The following ESRRG variants were observed in gnomAD, a reference collection of about 807,000 sequenced individuals.
ESRRG encodes the protein estrogen-related receptor gamma.
ESRRG carries 13 observed loss-of-function variants against 44.0 expected under a neutral mutation model. The observed-to-expected ratio is 0.30, with a 90% CI of 0.19 to 0.47. The LOEUF is 0.47. ESRRG is among the 20% of genes least tolerant of loss of function. The pLI, the probability that ESRRG is intolerant of heterozygous loss-of-function variation, is 1.00. For missense variants in ESRRG, 395 were observed against 580.6 expected (o/e 0.68, Z 3.29); for synonymous variants, 215 against 214.6 (o/e 1.00, Z -0.02).
intron 1 of ESRRG, among the ~76,000 whole-genome samples, chr1:217,127,019 A>C (rs1180951154): frequency 1.3e-5 from 2 of 152,190 alleles, no homozygotes; most frequent in African/African-American, 2.4e-5. Flanking sequence ...ATAACTGAAA[A>C]ATCTCTGCCT....
chr1:216,677,009 A>T, intron 2 of ESRRG, 67 bp downstream of exon 2: 1 of 1,189,972 alleles, frequency 8.4e-7, no homozygotes, highest in Non-Finnish European at 1.2e-6. Context: ...GAATAAGAAT[A>T]AGGAAAAACA....
intron 1 of ESRRG, among the ~76,000 whole-genome samples, chr1:216,686,439 CAAAAAAA>C (rs58718125): frequency 7.5e-5 from 8 of 107,174 alleles, no homozygotes; most frequent in Non-Finnish European, 1.1e-4. Flanking sequence ...TATTGTTAAC[CAAAAAAA>C]AAAAAAAAAA....
At chr1:216,857,669 C>A (rs2095973069) in intron 2 of ESRRG, among the ~76,000 whole-genome samples, 1 of 149,322 alleles carries the variant, frequency 6.7e-6, no homozygotes, top group South Asian at 2.1e-4. Context: ...AGTCACAGGG[C>A]ATTCTGAAAA....
At chr1:216,979,180 C>T (rs1308796285) in intron 1 of ESRRG, among the ~76,000 whole-genome samples, 1 of 152,150 alleles carries the variant, frequency 6.6e-6, no homozygotes. Context: ...ATATCACTGG[C>T]CCTATCTTCT....
intron 1 of ESRRG, among the ~76,000 whole-genome samples, chr1:217,098,689 C>T (rs2092460722): frequency 1.3e-5 from 2 of 152,162 alleles, no homozygotes; most frequent in African/African-American, 4.8e-5. Flanking sequence ...TTGAGTTAAA[C>T]AGGTTCCTTT....
At chr1:217,007,232 G>A (rs529299083) in intron 1 of ESRRG, among the ~76,000 whole-genome samples, 1 of 152,142 alleles carries the variant, frequency 6.6e-6, no homozygotes, top group Non-Finnish European at 1.5e-5. Context: ...AGATGTGAAT[G>A]TGACTTCTCA....
At chr1:216,977,029 T>C (rs549866829) in intron 1 of ESRRG, among the ~76,000 whole-genome samples, 67 of 152,260 alleles carry the variant, frequency 4.4e-4, no homozygotes, top group African/African-American at 1.1e-3. Context: ...GTCATGCCTA[T>C]AGTCATAAAA....
At chr1:216,725,316 G>A (rs1285655851), upstream of ESRRG, among the ~76,000 whole-genome samples, 2 of 152,004 alleles carry the variant, frequency 1.3e-5, no homozygotes, top group Non-Finnish European at 2.9e-5. Context: ...ATTACCAGTA[G>A]CATTATGCTG....
At chr1:216,618,310 C>T (rs1331088408) in intron 3 of ESRRG, among the ~76,000 whole-genome samples, 1 of 152,210 alleles carries the variant, frequency 6.6e-6, no homozygotes, top group Admixed American at 6.5e-5. Context: ...GATTCATTCA[C>T]ACTGCCTTTT....
intron 2 of ESRRG, among the ~76,000 whole-genome samples, chr1:216,670,512 C>G (rs553970680): frequency 1.3e-5 from 2 of 152,292 alleles, no homozygotes; most frequent in African/African-American, 4.8e-5. Context: ...AGATCCCACT[C>G]AAAGTGTGAA....
intron 1 of ESRRG, among the ~76,000 whole-genome samples, chr1:217,116,738 G>T (rs1353156794): frequency 6.6e-6 from 1 of 152,100 alleles, no homozygotes; most frequent in African/African-American, 2.4e-5. Context: ...CCCACATTTG[G>T]CTGCTTTCCC....
At chr1:217,131,254 T>C (rs931551670) in intron 1 of ESRRG, among the ~76,000 whole-genome samples, 4 of 152,176 alleles carry the variant, frequency 2.6e-5, no homozygotes, top group Non-Finnish European at 5.9e-5. Context: ...AAAAGGCATG[T>C]TTATCTTTTA....
chr1:216,736,308 C>G (rs1447041756), intron 2 of ESRRG, among the ~76,000 whole-genome samples: 7 of 150,990 alleles, frequency 4.6e-5, no homozygotes, highest in Non-Finnish European at 1.0e-4. Context: ...TCAGCCTCTC[C>G]GAGTAGCTGG....
At chr1:216,915,820 T>C (rs1218130646) in intron 2 of ESRRG, among the ~76,000 whole-genome samples, 1 of 152,190 alleles carries the variant, frequency 6.6e-6, no homozygotes. Context: ...GTGCTGATGG[T>C]ATCACAGCGT....
At chr1:216,550,897 A>T (rs1353308579) in intron 5 of ESRRG, among the ~76,000 whole-genome samples, 9 of 152,158 alleles carry the variant, frequency 5.9e-5, no homozygotes, top group Admixed American at 5.9e-4. Flanking sequence ...AACAGCATAA[A>T]AGTCCTTTCA....
chr1:217,125,144 T>G (rs1372968534), intron 1 of ESRRG, among the ~76,000 whole-genome samples: 3 of 152,096 alleles, frequency 2.0e-5, no homozygotes, highest in Non-Finnish European at 4.4e-5. Context: ...ATCAGAACAA[T>G]ACTACACTGG....
At chr1:216,619,545 G>A (rs1207100701) in intron 3 of ESRRG, among the ~76,000 whole-genome samples, 2 of 152,154 alleles carry the variant, frequency 1.3e-5, no homozygotes, top group Non-Finnish European at 2.9e-5. Context: ...AGGAAGGGCA[G>A]TATTTTTTTC....
chr1:216,519,096 G>C (rs943104584), intron 6 of ESRRG, 56 bp downstream of exon 6: 1 of 1,492,524 alleles, frequency 6.7e-7, no homozygotes. Context: ...GTTAAGGAGA[G>C]GGGTAAAACT....
intron 1 of ESRRG, among the ~76,000 whole-genome samples, chr1:216,706,513 C>T (rs1559332664): frequency 6.6e-6 from 1 of 152,140 alleles, no homozygotes; most frequent in Non-Finnish European, 1.5e-5. Context: ...GTGGCATTTC[C>T]CTTCCAAAGT....
Sources: gnomAD v4.1 joint callset for allele counts (sites outside exome capture counted in the v4.1 genomes callset) on GRCh38, gnomAD v4.1.1 for gene constraint, MANE v1.5 for transcripts, NCBI Gene and HGNC (gene_info 2026-07-23, HGNC 2026-07-21) for gene names.